ECHDC2: variants seen among roughly 807,000 people sequenced by gnomAD.
The protein encoded by ECHDC2 is enoyl-CoA hydratase domain-containing protein 2, mitochondrial.
In ECHDC2, 34 loss-of-function variants were observed where a neutral mutation model predicts 40.6. The observed-to-expected ratio is 0.84, with a 90% CI of 0.64 to 1.11. The LOEUF (loss-of-function observed/expected upper bound fraction) is 1.11, where lower values mean the gene tolerates loss of function less well. ECHDC2 is among the 50% of genes most tolerant of loss of function. ECHDC2 has a pLI of 0.00. For missense variants in ECHDC2, 392 were observed against 400.7 expected (o/e 0.98, Z 0.19); for synonymous variants, 162 against 166.6 (o/e 0.97, Z 0.21).
chr1:52,918,034 T>A (rs1651082672), intron 1 of ECHDC2, among the ~76,000 whole-genome samples: 1 of 152,156 alleles, frequency 6.6e-6, no homozygotes. Flanking sequence ...AGTAACACGA[T>A]CATGGCTCAC....
chr1:52,900,222 TA>T (rs1646903247), intron 7 of ECHDC2: 2 of 152,120 alleles, frequency 1.3e-5, no homozygotes, highest in African/African-American at 2.4e-5. Context: ...CAGCAAATAC[TA>T]AAATATCAAT....
In ECHDC2 at chr1:52,897,334, T is replaced by G. The variant is rs546912745; in HGVS notation, c.801+103A>C. ...GGACGATGGATGCGGTCAGACTGTT[T>G]GTGTTGAGAAGAACCTTCTAAAATT... On this transcript the variant is annotated intron_variant, in intron 9 of 9. Transcript: ENST00000371522. 1.2e-4 allele frequency: 140 copies of G among 1,166,296 alleles called. 2 individuals are homozygous for G. Among genetic ancestry groups the G allele is most frequent in the Middle Eastern group, 7.8e-4 (4 of 5,120 alleles). The allele number at this position is 1,166,296 out of a possible 1,614,324, so 72.2% of individuals were successfully genotyped here. A position where few individuals can be genotyped will look rare whatever the true frequency, so the allele number is the denominator to read the frequency against.
At chr1:52,910,741 T>C (rs1467959304) in intron 3 of ECHDC2, among the ~76,000 whole-genome samples, 1 of 152,088 alleles carries the variant, frequency 6.6e-6, no homozygotes, top group African/African-American at 2.4e-5. Context: ...GTCAGCAAGG[T>C]CCAAGAAGGC....
At chr1:52,899,357 C>G in intron 7 of ECHDC2, 133 bp from the exon 8 acceptor site, 1 of 784,100 alleles carries the variant, frequency 1.3e-6, no homozygotes, top group Non-Finnish European at 2.1e-6. Context: ...CTGACAGTTT[C>G]TTTAGCGTTA....
In ECHDC2 at chr1:52,896,685, G is replaced by C; in HGVS notation, c.802-88C>G. 6.4e-6 allele frequency: 7 copies of C among 1,085,796 alleles called. No individual in the cohort carries two copies. The South Asian group carries it at 8.9e-5, about 14-fold the overall frequency. The allele number at this position is 1,085,796 out of a possible 1,614,324, so 67.3% of individuals were successfully genotyped here. A position where few individuals can be genotyped will look rare whatever the true frequency, so the allele number is the denominator to read the frequency against. On this transcript the variant is annotated intron_variant, in intron 9 of 9. Coordinates refer to ENST00000371522, the MANE Select transcript of ECHDC2 (RefSeq NM_001198961.2). ...TTAAGCTTGTCCAGCCCAAGACAAG[G>C]CCAGGGTCCAAGTGTTTCCATTGTC...
At position 52,905,104 on chromosome 1, in the gene ECHDC2, A is replaced by G. The variant is rs1343351537; in HGVS notation, c.458-14T>C. On this transcript the variant is annotated splice_polypyrimidine_tract_variant and intron_variant, in intron 5 of 9. Transcript: ENST00000371522. ...CTGCCGAGGAAGCTGCTCAGATAGA[A>G]CAAAGTGAGGCCTCCCTCCCCCATC... The G allele has an allele frequency of 1.2e-6, 2 of 1,613,842 alleles. No homozygotes were observed. Among genetic ancestry groups the G allele is most frequent in the Non-Finnish European group, 1.7e-6 (2 of 1,179,960 alleles).
At position 52,906,522 on chromosome 1, in the gene ECHDC2, C is replaced by T. The variant is rs771700603; in HGVS notation, c.454G>A (p.Ala152Thr). 2.2e-5 allele frequency: 36 copies of T among 1,610,578 alleles called. No homozygotes were observed. In the South Asian group the frequency reaches 3.5e-4, roughly 16 times the overall value. ...GCCCCCAGTCCTGGCCCAGTACCTG[C>T]CACTCGGAGGTCACAGGCCAGGGCA... ...ELALACDLRV[A>T]ASSAVMGLIE... The change falls in exon 5 of 10, where the codon GCA (alanine) becomes ACA (threonine). Residue 152 changes from alanine (A) to threonine (T), a missense_variant. Physicochemically the swap from Ala to Thr is moderately conservative, Grantham distance 58. Transcript: ENST00000371522.
intron 1 of ECHDC2, among the ~76,000 whole-genome samples, chr1:52,920,108 G>A (rs1651552413): frequency 6.6e-6 from 1 of 152,226 alleles, no homozygotes; most frequent in Non-Finnish European, 1.5e-5. Context: ...AATCTGTAAA[G>A]TGGGGAGAAT....
chr1:52,907,773 AAAG>A, intron 4 of ECHDC2, 92 bp downstream of exon 4: 1 of 1,107,872 alleles, frequency 9.0e-7, no homozygotes, highest in South Asian at 1.4e-5. Flanking sequence ...CTCCAAACAG[AAAG>A]AAGACTCTCC....
intron 6 of ECHDC2, 99 bp from the exon 7 acceptor site, chr1:52,904,932 G>C: frequency 6.3e-7 from 1 of 1,597,358 alleles, no homozygotes; most frequent in Non-Finnish European, 8.6e-7. Context: ...AGAGGAGCAG[G>C]GTTCAGGTGG....
At chr1:52,911,888 G>C (rs1332960034) in intron 1 of ECHDC2, 98 bp from the exon 2 acceptor site, 5 of 1,544,310 alleles carry the variant, frequency 3.2e-6, no homozygotes, top group Non-Finnish European at 4.4e-6. Flanking sequence ...GATCTGGGGA[G>C]CCTCTGCCCT....
At chr1:52,898,124 C>G (rs1182028227) in intron 8 of ECHDC2, 1 of 158,638 alleles carries the variant, frequency 6.3e-6, no homozygotes, top group African/African-American at 2.4e-5. Flanking sequence ...AGTCTTTAAC[C>G]GAGCACTGCC....
rs1004351073 is a variant in ECHDC2, at chr1:52,914,594, A to G, written c.122-2804T>C. Among the ~76,000 whole-genome samples the G allele has an allele frequency of 6.6e-6, 1 of 152,112 alleles. No individual in the cohort carries two copies. The highest frequency in any genetic ancestry group is 1.5e-5 in the Non-Finnish European group (1 of 68,018). ...CCCAGGGCTCCCGTGTGTGCCCAGG[A>G]GCCCAGAGCTCTCCTGTGCACCCCA... is the stretch of plus-strand genomic sequence containing the variant. On this transcript the variant is annotated intron_variant, in intron 1 of 9. Coordinates refer to ENST00000371522, the MANE Select transcript of ECHDC2 (RefSeq NM_001198961.2). The surrounding 1 kb of genome is among the most constrained non-coding windows in gnomAD (Gnocchi z 4.0).
chr1:52,911,760 G>C lies in ECHDC2; in HGVS notation c.152C>G (p.Ser51Cys). ...GACATTCCCCAAGGCATTGCGGGCA[G>C]AAGGTCTGTTCATCAGAATCTCAGT... is the stretch of plus-strand genomic sequence containing the variant. Reference protein sequence around the residue: ...GITEILMNRPSARNALGNVFV... With the variant: ...GITEILMNRPCARNALGNVFV... The change falls in exon 2 of 10, where the codon TCT becomes TGT. Residue 51 changes from serine to cysteine, a missense_variant. Ser to Cys is a moderately radical substitution (Grantham distance 112). Coordinates refer to ENST00000371522, the MANE Select transcript of ECHDC2 (RefSeq NM_001198961.2). 1 of 1,614,096 alleles carries C rather than the reference G, an allele frequency of 6.2e-7. No homozygotes were observed.
chr1:52,911,383 A>G (rs959313848), intron 3 of ECHDC2, among the ~76,000 whole-genome samples, 183 bp downstream of exon 3: 4 of 152,146 alleles, frequency 2.6e-5, no homozygotes, highest in Admixed American at 1.3e-4. Flanking sequence ...ACTAAAGTCT[A>G]TCCTACCCCT....
chr1:52,920,648 A>C (rs1225512212), intron 1 of ECHDC2: 3 of 797,464 alleles, frequency 3.8e-6, no homozygotes, highest in Admixed American at 2.1e-5. Flanking sequence ...ATCAGTATTT[A>C]AACCTCTCTA....
rs34877649 is a variant in ECHDC2 at position 52,903,751 on chromosome 1, C to T, written c.702+895G>A. ...CTGCACTCCAGCCTGGATGACACAG[C>T]GAGACCCTATCTCTTCAAAGAAAAA... On this transcript the variant is annotated intron_variant, in intron 7 of 9. Coordinates refer to ENST00000371522, the MANE Select transcript of ECHDC2 (RefSeq NM_001198961.2). Among the ~76,000 whole-genome samples, 1,445 of 151,648 alleles carry T rather than the reference C, an allele frequency of 9.5e-3. 13 individuals carry two copies. Among genetic ancestry groups the T allele is most frequent in the Non-Finnish European group, 0.014 (979 of 67,884 alleles).
intron 7 of ECHDC2, chr1:52,900,500 A>T (rs781552136): frequency 2.0e-5 from 3 of 152,234 alleles, no homozygotes; most frequent in Non-Finnish European, 4.4e-5. Context: ...ATTTGTTAGA[A>T]ACAGATTAGC....
intron 1 of ECHDC2, among the ~76,000 whole-genome samples, chr1:52,919,403 G>A (rs768352210): frequency 8.5e-5 from 13 of 152,092 alleles, no homozygotes; most frequent in African/African-American, 1.7e-4. Context: ...TATTCAGCCC[G>A]GTACCATGCT....
Sources: gnomAD v4.1 joint callset for allele counts (sites outside exome capture counted in the v4.1 genomes callset) on GRCh38, gnomAD v4.1.1 for gene constraint, Gnocchi (gnomAD v3.1) non-coding constraint, MANE v1.5 for transcripts, NCBI Gene and HGNC (gene_info 2026-07-23, HGNC 2026-07-21) for gene names.